STK10: variants seen among roughly 807,000 people sequenced by gnomAD.
STK10 encodes the protein serine/threonine-protein kinase 10.
In STK10, 78 loss-of-function variants were observed where a neutral mutation model predicts 113.8. The ratio of observed to expected loss-of-function variants is 0.69; its 90% CI spans 0.57 to 0.83. The LOEUF (loss-of-function observed/expected upper bound fraction) is 0.83, where lower values mean the gene tolerates loss of function less well. Ranked by LOEUF, STK10 falls within the 40% of genes least tolerant of loss-of-function variation. STK10 has a pLI of 0.00. For synonymous variants in STK10, 465 were observed against 494.7 expected, an observed-to-expected ratio of 0.94 and a Z score of 0.80; for missense variants, 1,109 against 1,280.1, an observed-to-expected ratio of 0.87 and a Z score of 2.04.
chr5:172,169,987 T>C (rs1199919367), intron 1 of STK10, among the ~76,000 whole-genome samples: 1 of 152,208 alleles, frequency 6.6e-6, no homozygotes, highest in Admixed American at 6.5e-5. Context: ...CACTATGGGT[T>C]AGCCAGTTGA....
chr5:172,067,599 T>C (rs941927775), intron 12 of STK10, among the ~76,000 whole-genome samples: 1 of 151,950 alleles, frequency 6.6e-6, no homozygotes, highest in Admixed American at 6.6e-5. Flanking sequence ...CCCTTTAATA[T>C]TTCAAGTATG....
At position 172,054,553 on chromosome 5, in the gene STK10, G is replaced by A. The variant is rs1375049122; in HGVS notation, c.2652+16C>T. On this transcript the variant is annotated intron_variant, in intron 17 of 18. Transcript: ENST00000176763. ...AGGCAGCCTGGGGGCAGGGGCAGGG[G>A]CAGGCAGGGCGGTACCTGCAGCTGC... The A allele has an allele frequency of 8.7e-6, 14 of 1,601,462 alleles. No homozygotes were observed. Among genetic ancestry groups the A allele is most frequent in the Non-Finnish European group, 1.2e-5 (14 of 1,178,768 alleles).
chr5:172,186,577 G>A (rs750649987), intron 1 of STK10, among the ~76,000 whole-genome samples: 3 of 151,988 alleles, frequency 2.0e-5, no homozygotes, highest in Non-Finnish European at 2.9e-5. Context: ...AGCCGAGATC[G>A]GGCCACTGCA....
chr5:172,077,187 TA>T (rs1768327930), intron 12 of STK10, among the ~76,000 whole-genome samples: 1 of 152,228 alleles, frequency 6.6e-6, no homozygotes, highest in African/African-American at 2.4e-5. Flanking sequence ...TCAGAAAAGT[TA>T]CTGAACTCGT....
chr5:172,163,503 A>T (rs969071675), intron 1 of STK10, among the ~76,000 whole-genome samples: 2 of 152,204 alleles, frequency 1.3e-5, no homozygotes, highest in Non-Finnish European at 2.9e-5. Context: ...CCAGAATGTC[A>T]TCTGCCAACA....
intron 9 of STK10, among the ~76,000 whole-genome samples, chr5:172,090,935 TAAAAAAAAA>T (rs547251159): frequency 4.3e-5 from 2 of 46,098 alleles, no homozygotes; most frequent in African/African-American, 1.9e-4. Flanking sequence ...ACTCCGTCTC[TAAAAAAAAA>T]AAAAAAAAAA....
chr5:172,078,947 C>T (rs560373639), intron 12 of STK10, among the ~76,000 whole-genome samples: 1 of 144,632 alleles, frequency 6.9e-6, no homozygotes, highest in African/African-American at 2.5e-5. Flanking sequence ...TCTTATAAGT[C>T]CACACACACA....
chr5:172,082,512 G>A lies in STK10; in HGVS notation c.1810-7C>T. On this transcript the variant is annotated splice_polypyrimidine_tract_variant and splice_region_variant and intron_variant, in intron 11 of 18. Coordinates refer to ENST00000176763, the MANE Select transcript of STK10 (RefSeq NM_005990.4). The surrounding 1 kb of genome is among the most constrained non-coding windows in gnomAD (Gnocchi z 4.3). Reference sequence around the variant, plus strand: ...CAAAGAACTTCTTCTTGGCCTGAAAGGAGCAGAAATTCTGAGAAACTTAGC... The same window carrying A: ...CAAAGAACTTCTTCTTGGCCTGAAAAGAGCAGAAATTCTGAGAAACTTAGC... The A allele has an allele frequency of 1.3e-6, 2 of 1,569,324 alleles. No individual in the cohort carries two copies. The highest frequency in any genetic ancestry group is 1.7e-6 in the Non-Finnish European group (2 of 1,161,058).
intron 2 of STK10, among the ~76,000 whole-genome samples, chr5:172,143,904 CAG>C (rs1232819789): frequency 2.6e-5 from 4 of 152,116 alleles, no homozygotes; most frequent in African/African-American, 9.7e-5. Flanking sequence ...GCCCAGAAAT[CAG>C]GGGCAGAACA....
chr5:172,069,932 C>A (rs1016077443), intron 12 of STK10, among the ~76,000 whole-genome samples: 1 of 152,184 alleles, frequency 6.6e-6, no homozygotes, highest in African/African-American at 2.4e-5. Context: ...AGCCATAATA[C>A]ATTTTTAAAA....
In STK10 at chr5:172,133,391, A is replaced by G. The variant is rs1325831242; in HGVS notation, c.322-5970T>C. On this transcript the variant is annotated intron_variant, in intron 2 of 18. Transcript: ENST00000176763. This position sits in a 1 kb window ranked among gnomAD's most constrained non-coding sequence, Gnocchi z 4.9. Reference sequence around the variant, plus strand: ...ACCATGGCTACCTCCCCCTCCACATACACCATGTCTTCCTTCCCCTTTGTG... The same window carrying G: ...ACCATGGCTACCTCCCCCTCCACATGCACCATGTCTTCCTTCCCCTTTGTG... 6.6e-6 allele frequency among the ~76,000 whole-genome samples: 1 copy of G among 152,188 alleles called. No homozygotes were observed. Among genetic ancestry groups the G allele is most frequent in the Non-Finnish European group, 1.5e-5 (1 of 68,028 alleles).
At chr5:172,066,717 C>T (rs904328846) in intron 12 of STK10, among the ~76,000 whole-genome samples, 8 of 152,220 alleles carry the variant, frequency 5.3e-5, no homozygotes, top group Admixed American at 3.3e-4. Context: ...ACTCAGGCGG[C>T]GTAGGTTGCA....
intron 1 of STK10, among the ~76,000 whole-genome samples, chr5:172,185,879 G>A (rs1372963948): frequency 2.6e-5 from 4 of 152,246 alleles, no homozygotes; most frequent in Non-Finnish European, 5.9e-5. Context: ...AAGGAGGACA[G>A]CAAGTCGGGG....
rs1770917109 is a variant in STK10 at position 172,184,478 on chromosome 5, AG to A, written c.156+3408del. Among the ~76,000 whole-genome samples the A allele has an allele frequency of 2.0e-5, 3 of 152,182 alleles. No individual in the cohort carries two copies. The South Asian group carries it at 6.2e-4, about 32-fold the overall frequency. On this transcript the variant is annotated intron_variant, in intron 1 of 18. Transcript: ENST00000176763. ...GACATATGGGGTTGGCTTAGGTCAGAGGGGTACATGCTAAGGCCAAGTAGGT... is the reference window on the plus strand; with the variant it reads ...GACATATGGGGTTGGCTTAGGTCAGAGGGTACATGCTAAGGCCAAGTAGGT...
At chr5:172,091,325 T>G (rs540851326) in intron 9 of STK10, among the ~76,000 whole-genome samples, 12 of 152,164 alleles carry the variant, frequency 7.9e-5, no homozygotes, top group African/African-American at 2.7e-4. Flanking sequence ...GGAGTCACCA[T>G]GAGATTACGC....
intron 2 of STK10, among the ~76,000 whole-genome samples, chr5:172,149,783 T>C (rs889371747): frequency 4.6e-5 from 7 of 151,850 alleles, no homozygotes; most frequent in Admixed American, 6.6e-5. Flanking sequence ...CGGTGGCTCA[T>C]GCCTGTAATC....
At chr5:172,127,608 G>T (rs754483181) in intron 2 of STK10, among the ~76,000 whole-genome samples, 187 bp from the exon 3 acceptor site, 1 of 152,188 alleles carries the variant, frequency 6.6e-6, no homozygotes, top group Non-Finnish European at 1.5e-5. Flanking sequence ...CTCACTGGAG[G>T]CTCTGACACC....
chr5:172,141,968 C>A (rs889625697), intron 2 of STK10, among the ~76,000 whole-genome samples: 2 of 152,196 alleles, frequency 1.3e-5, no homozygotes, highest in Non-Finnish European at 2.9e-5. Context: ...TCCATTCATT[C>A]ATAAATTTAT....
chr5:172,102,382 C>T (rs534384415), intron 7 of STK10, among the ~76,000 whole-genome samples: 2 of 152,242 alleles, frequency 1.3e-5, no homozygotes, highest in East Asian at 1.9e-4. Flanking sequence ...TGGTGGAGCA[C>T]GTCGGCGAAA....
Sources: gnomAD v4.1 joint callset for allele counts (sites outside exome capture counted in the v4.1 genomes callset) on GRCh38, gnomAD v4.1.1 for gene constraint, Gnocchi (gnomAD v3.1) non-coding constraint, MANE v1.5 for transcripts, NCBI Gene and HGNC (gene_info 2026-07-23, HGNC 2026-07-21) for gene names.